VSNL1: variants seen among roughly 807,000 people sequenced by gnomAD.
VSNL1 encodes visinin-like protein 1.
VSNL1 carries 6 observed loss-of-function variants against 20.4 expected under a neutral mutation model. The observed-to-expected ratio is 0.29, with a 90% CI of 0.16 to 0.58. VSNL1 has a LOEUF of 0.58. VSNL1 is among the 20% of genes least tolerant of loss of function. The pLI, the probability that VSNL1 is intolerant of heterozygous loss-of-function variation, is 0.90. For synonymous variants in VSNL1, 93 were observed against 86.4 expected (o/e 1.08, Z -0.42); for missense variants, 100 against 234.5 (o/e 0.43, Z 3.75).
Position 17,634,142 on chromosome 2 carries a change from G to A in VSNL1, c.163-15268G>A, listed in dbSNP as rs1343823567. On this transcript the variant is annotated intron_variant, in intron 2 of 3. Transcript: ENST00000295156. This position sits in a 1 kb window ranked among gnomAD's most constrained non-coding sequence, Gnocchi z 4.3. ...AGAAGGTGGAGGAGGGCATCAAAGA[G>A]CGTGCAGTAGAGAGGTTAAGGCCTA... is the stretch of plus-strand genomic sequence containing the variant. Among the ~76,000 whole-genome samples the A allele has an allele frequency of 3.3e-5, 5 of 152,136 alleles. No homozygotes were observed. Among genetic ancestry groups the A allele is most frequent in the Non-Finnish European group, 7.3e-5 (5 of 68,030 alleles).
At chr2:17,592,731 A>C (rs1033301) in intron 2 of VSNL1, among the ~76,000 whole-genome samples, 16,074 of 147,846 alleles carry the variant, frequency 0.11, 1,136 homozygotes, top group African/African-American at 0.2. Context: ...CCCACAACAG[A>C]ACATTTAGAA....
intron 1 of VSNL1, among the ~76,000 whole-genome samples, chr2:17,552,606 C>T (rs1663571137): frequency 6.6e-6 from 1 of 152,052 alleles, no homozygotes. Context: ...TTAATTTGAA[C>T]GAATTAAGAC....
intron 1 of VSNL1, among the ~76,000 whole-genome samples, chr2:17,559,828 A>G (rs1360874566): frequency 6.6e-6 from 1 of 152,090 alleles, no homozygotes; most frequent in African/African-American, 2.4e-5. Context: ...TCCCTGAAAA[A>G]CACTATAATA....
intron 2 of VSNL1, among the ~76,000 whole-genome samples, chr2:17,604,312 C>T (rs1664897144): frequency 6.6e-6 from 1 of 152,242 alleles, no homozygotes; most frequent in Non-Finnish European, 1.5e-5. Context: ...TGCCAGGCCC[C>T]TCCCTGCTCA....
intron 2 of VSNL1, among the ~76,000 whole-genome samples, chr2:17,596,742 T>TA (rs35084030): frequency 6.6e-6 from 1 of 151,934 alleles, no homozygotes; most frequent in South Asian, 2.1e-4. Context: ...CAGAGTTGTT[T>TA]AAAAAAAATG....
intron 1 of VSNL1, among the ~76,000 whole-genome samples, chr2:17,581,012 C>T (rs1231274014): frequency 1.3e-5 from 2 of 152,154 alleles, no homozygotes; most frequent in Non-Finnish European, 2.9e-5. Context: ...TTCCTGTGCA[C>T]ACAAGCTCAA....
intron 2 of VSNL1, among the ~76,000 whole-genome samples, chr2:17,607,238 C>A (rs541882002): frequency 6.6e-6 from 1 of 152,292 alleles, no homozygotes; most frequent in South Asian, 2.1e-4. Flanking sequence ...TTGATCTGGG[C>A]CAGTTACAAA....
intron 2 of VSNL1, among the ~76,000 whole-genome samples, chr2:17,620,393 C>G (rs1209671312): frequency 6.6e-6 from 1 of 152,180 alleles, no homozygotes; most frequent in Non-Finnish European, 1.5e-5. Context: ...GAAGGGCAGG[C>G]TAGAGGCAGA....
intron 2 of VSNL1, among the ~76,000 whole-genome samples, chr2:17,616,593 G>T (rs912938107): frequency 6.6e-6 from 1 of 152,188 alleles, no homozygotes; most frequent in African/African-American, 2.4e-5. Flanking sequence ...GCCAAGCTTG[G>T]CCACCCACAG....
intron 1 of VSNL1, among the ~76,000 whole-genome samples, chr2:17,585,382 TAA>T (rs35397738): frequency 0.075 from 10,664 of 141,854 alleles, 620 homozygotes; most frequent in African/African-American, 0.16. Flanking sequence ...GCCTTCATTA[TAA>T]AAAAAAAAAA....
In VSNL1 at chr2:17,649,220, C is replaced by G. The variant is rs1042435550; in HGVS notation, c.163-190C>G. ...ACAGGAAACAATGAGATGCCTGTAC[C>G]TGAGCACCTGCTGTGAGAAAGCCTC... On this transcript the variant is annotated intron_variant, in intron 2 of 3. Coordinates refer to ENST00000295156, the MANE Select transcript of VSNL1 (RefSeq NM_003385.5). This position sits in a 1 kb window ranked among gnomAD's most constrained non-coding sequence, Gnocchi z 6.4. 6.6e-6 allele frequency among the ~76,000 whole-genome samples: 1 copy of G among 152,190 alleles called. No homozygotes were observed. Among genetic ancestry groups the G allele is most frequent in the Non-Finnish European group, 1.5e-5 (1 of 68,036 alleles).
rs767907637 is a variant in VSNL1, at chr2:17,634,905, G to A, written c.163-14505G>A. Among the ~76,000 whole-genome samples the A allele has an allele frequency of 3.0e-4, 45 of 152,174 alleles. No homozygotes were observed. Among genetic ancestry groups the A allele is most frequent in the Non-Finnish European group, 5.3e-4 (36 of 67,998 alleles). On this transcript the variant is annotated intron_variant, in intron 2 of 3. Transcript: ENST00000295156. This position sits in a 1 kb window ranked among gnomAD's most constrained non-coding sequence, Gnocchi z 4.3. ...CTGCTCCTGCTTGGTTCTGACTCAC[G>A]GTCAGGCTCTAACTGGCAGCTCGAC...
intron 2 of VSNL1, among the ~76,000 whole-genome samples, chr2:17,619,132 C>T (rs546195836): frequency 6.6e-6 from 1 of 152,300 alleles, no homozygotes; most frequent in East Asian, 1.9e-4. Context: ...GCTGCCATCT[C>T]CCCAGTTTTA....
intron 1 of VSNL1, among the ~76,000 whole-genome samples, chr2:17,566,220 A>C (rs945282699): frequency 6.6e-6 from 1 of 152,188 alleles, no homozygotes; most frequent in East Asian, 1.9e-4. Context: ...TAGAGTGTAC[A>C]TCTTTTTCAC....
Position 17,624,495 on chromosome 2 carries a change from T to TTAGG in VSNL1, c.163-24915_163-24914insTAGG, listed in dbSNP as rs1665458974. On this transcript the variant is annotated intron_variant, in intron 2 of 3. Transcript: ENST00000295156. ...AACTAAGGTTACTAATCAGCTAACC[T>TTAGG]GAATATAGGGAGAGCATTCTGTATT... 2.0e-5 allele frequency among the ~76,000 whole-genome samples: 3 copies of TTAGG among 152,242 alleles called. No individual in the cohort carries two copies. The South Asian group carries it at 6.2e-4, about 32-fold the overall frequency.
chr2:17,580,765 T>G (rs1664333346), intron 1 of VSNL1, among the ~76,000 whole-genome samples: 1 of 152,240 alleles, frequency 6.6e-6, no homozygotes, highest in African/African-American at 2.4e-5. Flanking sequence ...AAACTCAGAC[T>G]TTATAGAAAG....
chr2:17,557,304 A>G (rs1468476195), intron 1 of VSNL1, among the ~76,000 whole-genome samples: 3 of 152,314 alleles, frequency 2.0e-5, no homozygotes, highest in East Asian at 3.9e-4. Context: ...TGTATGAGGT[A>G]CTATCTCTGT....
chr2:17,614,974 C>G (rs927736118), intron 2 of VSNL1, among the ~76,000 whole-genome samples: 1 of 152,184 alleles, frequency 6.6e-6, no homozygotes, highest in African/African-American at 2.4e-5. Context: ...CCGCTTCTTT[C>G]CAGAGAGAGC....
At chr2:17,644,199 A>G (rs1354294800) in intron 2 of VSNL1, among the ~76,000 whole-genome samples, 2 of 152,194 alleles carry the variant, frequency 1.3e-5, no homozygotes, top group African/African-American at 4.8e-5. Context: ...CCAAAACCAA[A>G]TATCAAATGA....
Sources: gnomAD v4.1 joint callset for allele counts (sites outside exome capture counted in the v4.1 genomes callset) on GRCh38, gnomAD v4.1.1 for gene constraint, Gnocchi (gnomAD v3.1) non-coding constraint, MANE v1.5 for transcripts, NCBI Gene and HGNC (gene_info 2026-07-23, HGNC 2026-07-21) for gene names.